The following SLC2A2 variants were observed in gnomAD, a reference collection of about 807,000 sequenced individuals.
SLC2A2 encodes the protein solute carrier family 2 member 2.
Under a neutral mutation model 54.5 loss-of-function variants are expected in SLC2A2, and 36 were observed. That is an observed-to-expected ratio of 0.66 (90% CI 0.51 to 0.87). The LOEUF (loss-of-function observed/expected upper bound fraction) is 0.87. Among genes scored for constraint, SLC2A2 ranks in the 40% least tolerant of loss-of-function variants. The probability of loss-of-function intolerance (pLI) is 0.00; values close to 1 mark genes in which losing one functional copy is unlikely to be tolerated. For synonymous variants in SLC2A2, 223 were observed against 219.1 expected (o/e 1.02, Z -0.16); for missense variants, 543 against 624.3 (o/e 0.87, Z 1.39).
intron 8 of SLC2A2, among the ~76,000 whole-genome samples, chr3:171,002,029 C>T (rs1715359937): frequency 6.6e-6 from 1 of 151,858 alleles, no homozygotes; most frequent in African/African-American, 2.4e-5. Flanking sequence ...ACCTTGTGAA[C>T]TACTTGGAAG....
chr3:171,009,029 T>C (rs1232979637), intron 4 of SLC2A2, among the ~76,000 whole-genome samples: 1 of 152,106 alleles, frequency 6.6e-6, no homozygotes, highest in Admixed American at 6.6e-5. Flanking sequence ...TCTTACGTCC[T>C]CACCACTCCT....
At chr3:171,017,317 C>T (rs549663273) in intron 2 of SLC2A2, among the ~76,000 whole-genome samples, 24 of 152,172 alleles carry the variant, frequency 1.6e-4, no homozygotes, top group Non-Finnish European at 2.9e-4. Context: ...AAAGATATGA[C>T]CCTTGTCTCT....
rs1005094987 is a variant in SLC2A2 at position 171,026,472 on chromosome 3, G to A, written c.15+184C>T. Among the ~76,000 whole-genome samples the A allele has an allele frequency of 2.7e-5, 4 of 147,754 alleles. No homozygotes were observed. The East Asian group carries it at 8.1e-4, about 30-fold the overall frequency. ...TTATGCAGACTAGTCAGTTAACAGA[G>A]CAAAAATCCTTAAAACCCCAATTAC... is the stretch of plus-strand genomic sequence containing the variant. On this transcript the variant is annotated intron_variant, in intron 1 of 10. Coordinates refer to ENST00000314251, the MANE Select transcript of SLC2A2 (RefSeq NM_000340.2).
intron 4 of SLC2A2, 39 bp downstream of exon 4, chr3:171,009,919 G>GTT: frequency 7.2e-7 from 1 of 1,380,052 alleles, no homozygotes; most frequent in Non-Finnish European, 9.7e-7. Flanking sequence ...GTAGGTGTGT[G>GTT]TGTGTGTGTG....
At position 171,023,730 on chromosome 3, in the gene SLC2A2, A is replaced by G. The variant is rs896798393; in HGVS notation, c.15+2926T>C. 7.3e-4 allele frequency among the ~76,000 whole-genome samples: 111 copies of G among 152,180 alleles called. 1 individual carries two copies. Among genetic ancestry groups the G allele is most frequent in the Non-Finnish European group, 1.8e-4 (12 of 68,028 alleles). ...AGGTAGGAATTATTATTATCATTTC[A>G]CATATGGGGGAGCTCACATGGAAAG... On this transcript the variant is annotated intron_variant, in intron 1 of 10. Transcript: ENST00000314251.
chr3:171,002,596 T>C lies in SLC2A2; in HGVS notation c.1048A>G (p.Met350Val). 6.2e-7 allele frequency: 1 copy of C among 1,608,724 alleles called. No homozygotes were observed. The highest frequency in any genetic ancestry group is 8.5e-7 in the Non-Finnish European group (1 of 1,176,188). Residue 350 changes from methionine (M) to valine (V), a missense_variant, in exon 8 of 11, where the codon ATG becomes GTG. Met to Val is a conservative substitution (Grantham distance 21). Transcript: ENST00000314251. ...YATIGVGAVNMVFTAVSVFLV... is the reference protein window; with the variant it reads ...YATIGVGAVNVVFTAVSVFLV... ...CTTACAGAGACAGCAGTGAAAACCA[T>C]GTTTACAGCGCCAACTCCAATGGTT... is the stretch of plus-strand genomic sequence containing the variant.
At chr3:171,017,990 G>A (rs1716230773) in intron 2 of SLC2A2, among the ~76,000 whole-genome samples, 1 of 152,110 alleles carries the variant, frequency 6.6e-6, no homozygotes, top group Non-Finnish European at 1.5e-5. Context: ...GGAATGGAGG[G>A]GGAAGGACCA....
intron 2 of SLC2A2, among the ~76,000 whole-genome samples, chr3:171,017,122 G>C (rs1716190292): frequency 6.6e-6 from 1 of 152,108 alleles, no homozygotes; most frequent in South Asian, 2.1e-4. Context: ...AAAGTGCTGG[G>C]ATTACAGGAG....
At position 170,998,303 on chromosome 3, in the gene SLC2A2, T is replaced by C. The variant is rs749661374; in HGVS notation, c.1264A>G (p.Met422Val). The change falls in exon 10 of 11, where the codon ATG (methionine) becomes GTG (valine). Residue 422 changes from methionine to valine, a missense_variant. Physicochemically the swap from Met to Val is conservative, Grantham distance 21. Around this residue, in one of 3 missense-constraint regions of SLC2A2, gnomAD observed 117 missense variants for 179.2 expected, o/e 0.65. Transcript: ENST00000314251. ...CCTTGACTGAAAAACTCAGCCACCATGAACCAGGGGATCGGGCCTGGCCCA... is the reference window on the plus strand; with the variant it reads ...CCTTGACTGAAAAACTCAGCCACCACGAACCAGGGGATCGGGCCTGGCCCA... ...EIGPGPIPWF[M>V]VAEFFSQGPR... is the part of the protein sequence containing the mutation. The C allele has an allele frequency of 1.9e-6, 3 of 1,613,830 alleles. 1 individual carries two copies. In the South Asian group the frequency reaches 3.3e-5, roughly 18 times the overall value.
chr3:171,026,126 G>A (rs1290893569), intron 1 of SLC2A2, among the ~76,000 whole-genome samples: 2 of 152,112 alleles, frequency 1.3e-5, no homozygotes, highest in African/African-American at 4.8e-5. Context: ...GTGTGAAATT[G>A]ATACAGTAAT....
chr3:171,000,829 TACAC>T (rs911761616), intron 8 of SLC2A2, among the ~76,000 whole-genome samples: 2 of 152,110 alleles, frequency 1.3e-5, no homozygotes, highest in Admixed American at 1.3e-4. Context: ...TATTTGAAAG[TACAC>T]ACACAATTTG....
chr3:171,014,759 T>A (rs1220554563), intron 2 of SLC2A2, 28 bp from the exon 3 acceptor site: 1 of 1,581,624 alleles, frequency 6.3e-7, no homozygotes, highest in African/African-American at 1.3e-5. Context: ...ATAGCTTTAC[T>A]ATTTCAAACA....
At chr3:171,001,369 C>G (rs61791071) in intron 8 of SLC2A2, among the ~76,000 whole-genome samples, 2 of 151,780 alleles carry the variant, frequency 1.3e-5, no homozygotes, top group Non-Finnish European at 2.9e-5. Context: ...TTTAGAGTGG[C>G]CTTTTGGTTT....
intron 1 of SLC2A2, among the ~76,000 whole-genome samples, chr3:171,024,316 G>A (rs559280473): frequency 6.6e-6 from 1 of 152,174 alleles, no homozygotes; most frequent in South Asian, 2.1e-4. Flanking sequence ...GATACTCTTT[G>A]CAATACCACA....
intron 2 of SLC2A2, among the ~76,000 whole-genome samples, chr3:171,014,966 T>G (rs1470580698): frequency 1.3e-5 from 2 of 152,128 alleles, no homozygotes; most frequent in African/African-American, 4.8e-5. Flanking sequence ...CATGTAATAC[T>G]TTGATGACTA....
chr3:171,014,756 T>C, intron 2 of SLC2A2, 25 bp from the exon 3 acceptor site: 6 of 1,590,948 alleles, frequency 3.8e-6, no homozygotes, highest in Non-Finnish European at 5.2e-6. Context: ...AAAATAGCTT[T>C]ACTATTTCAA....
intron 3 of SLC2A2, among the ~76,000 whole-genome samples, chr3:171,013,570 A>G (rs1715986754): frequency 6.6e-6 from 1 of 152,162 alleles, no homozygotes; most frequent in Admixed American, 6.5e-5. Context: ...AAAAATTATA[A>G]TTTATAATAG....
In SLC2A2 at chr3:170,997,857, G is replaced by A. The variant is rs759091888; in HGVS notation, c.*46C>T. ...AAGGAATCATCATTTAAAAACAGAC[G>A]GTTCCCTTATTGTTTCTGTTCATGT... is the stretch of plus-strand genomic sequence containing the variant. On this transcript the variant is annotated 3_prime_UTR_variant, in exon 11 of 11. Transcript: ENST00000314251. 1.1e-5 allele frequency: 16 copies of A among 1,460,744 alleles called. No individual in the cohort carries two copies. The East Asian group carries it at 1.1e-4, about 10-fold the overall frequency. The allele number at this position is 1,460,744 out of a possible 1,614,324, so 90.5% of individuals were successfully genotyped here.
At chr3:171,001,118 T>A (rs1715314079) in intron 8 of SLC2A2, among the ~76,000 whole-genome samples, 1 of 151,946 alleles carries the variant, frequency 6.6e-6, no homozygotes, top group Admixed American at 6.6e-5. Context: ...CCCACATCAG[T>A]GGGGTTGGGA....
Sources: gnomAD v4.1 joint callset for allele counts (sites outside exome capture counted in the v4.1 genomes callset) on GRCh38, gnomAD v4.1.1 for gene constraint, gnomAD v4.1.1 regional missense constraint, MANE v1.5 for transcripts, NCBI Gene and HGNC (gene_info 2026-07-23, HGNC 2026-07-21) for gene names.